STK10: variants seen among roughly 807,000 people sequenced by gnomAD.
The protein encoded by STK10 is serine/threonine-protein kinase 10.
In STK10, 78 loss-of-function variants were observed where a neutral mutation model predicts 113.8. The ratio of observed to expected loss-of-function variants is 0.69; its 90% confidence interval spans 0.57 to 0.83. The LOEUF (loss-of-function observed/expected upper bound fraction) is 0.83. Ranked by LOEUF, STK10 falls within the 40% of genes least tolerant of loss-of-function variation. The pLI is 0.00. For missense variants in STK10, 1,109 were observed against 1,280.1 expected (o/e 0.87, Z 2.04); for synonymous variants, 465 against 494.7 (o/e 0.94, Z 0.80).
At chr5:172,053,530 G>A (rs1049961871) in intron 17 of STK10, among the ~76,000 whole-genome samples, 2 of 152,240 alleles carry the variant, frequency 1.3e-5, no homozygotes, top group East Asian at 3.8e-4. Flanking sequence ...TCACTGACAT[G>A]GGTGAGACTC....
At chr5:172,165,295 A>ACCC (rs1770548933) in intron 1 of STK10, among the ~76,000 whole-genome samples, 1 of 151,374 alleles carries the variant, frequency 6.6e-6, no homozygotes, top group African/African-American at 2.4e-5. Flanking sequence ...CCCCAACCCA[A>ACCC]CTCTGCAGAT....
chr5:172,065,525 G>A (rs896554454), intron 12 of STK10, among the ~76,000 whole-genome samples: 3 of 152,022 alleles, frequency 2.0e-5, no homozygotes, highest in African/African-American at 4.8e-5. Context: ...GCGCCTGGCC[G>A]AGAATGCATA....
intron 1 of STK10, among the ~76,000 whole-genome samples, chr5:172,180,372 G>A (rs2016113): frequency 0.057 from 8,674 of 152,274 alleles, 795 homozygotes; most frequent in African/African-American, 0.2. Context: ...GGCCAAGGCA[G>A]GAGAATCACT....
chr5:172,050,511 G>C (rs1767605190), intron 18 of STK10, among the ~76,000 whole-genome samples: 1 of 152,208 alleles, frequency 6.6e-6, no homozygotes, highest in Admixed American at 6.5e-5. Context: ...GGGCAACATA[G>C]CAAGACCCCA....
chr5:172,111,201 CCCCCTGTGGGCCTGGCT>C (rs1769229320), intron 4 of STK10, among the ~76,000 whole-genome samples: 1 of 152,030 alleles, frequency 6.6e-6, no homozygotes, highest in South Asian at 2.1e-4. Context: ...TCAGCCAGGC[CCCCCTGTGGGCCTGGCT>C]CCCTCGCAAA....
rs542653694 is a variant in STK10 at position 172,074,448 on chromosome 5, T to C, written c.1989+7878A>G. On this transcript the variant is annotated intron_variant, in intron 12 of 18. Transcript: ENST00000176763. Reference sequence around the variant, plus strand: ...CAAAAGCAATTCAGTGGAAAAAGGATAGCCTTTTCAACAAATGGTGCTGGA... The same window carrying C: ...CAAAAGCAATTCAGTGGAAAAAGGACAGCCTTTTCAACAAATGGTGCTGGA... 4.1e-3 allele frequency among the ~76,000 whole-genome samples: 630 copies of C among 152,260 alleles called. 5 individuals carry two copies. The highest frequency in any genetic ancestry group is 0.015 in the African/African-American group (604 of 41,556).
chr5:172,160,102 C>CTCCA (rs1265058566), intron 1 of STK10, among the ~76,000 whole-genome samples: 1 of 151,408 alleles, frequency 6.6e-6, no homozygotes, highest in Non-Finnish European at 1.5e-5. Context: ...CACCACGGCA[C>CTCCA]TCCAGCTTGG....
At chr5:172,054,325 CA>C (rs1381723022) in intron 17 of STK10, among the ~76,000 whole-genome samples, 9 of 152,220 alleles carry the variant, frequency 5.9e-5, no homozygotes, top group African/African-American at 2.2e-4. Context: ...CCCAATCCTG[CA>C]CAGCAGGAAT....
chr5:172,086,746 T>G (rs1768569812), intron 10 of STK10, among the ~76,000 whole-genome samples: 1 of 152,174 alleles, frequency 6.6e-6, no homozygotes, highest in South Asian at 2.1e-4. Context: ...TGGCCTAGTT[T>G]ACAGGCGCTC....
rs746014853 is a variant in STK10, at chr5:172,044,916, T to C, written c.2873A>G (p.Lys958Arg). Residue 958 changes from lysine to arginine, a missense_variant, in exon 19 of 19, where the codon AAG (lysine) becomes AGG (arginine). Physicochemically the swap from Lys to Arg is conservative, Grantham distance 26 (BLOSUM62 2). This residue lies in a region of STK10 where 885 missense variants were observed against 991.1 expected (regional missense o/e 0.89). Transcript: ENST00000176763. The surrounding 1 kb of genome is among the most constrained non-coding windows in gnomAD (Gnocchi z 4.5). ...PNPSTPSKAAKFFPYSSADAS is the reference protein window; with the variant it reads ...PNPSTPSKAARFFPYSSADAS ...ATCCGCAGAACTGTAGGGGAAGAACTTGGCGGCCTTGCTTGGGGTGGAGGG... is the reference window on the plus strand; with the variant it reads ...ATCCGCAGAACTGTAGGGGAAGAACCTGGCGGCCTTGCTTGGGGTGGAGGG... 6.2e-7 allele frequency: 1 copy of C among 1,614,160 alleles called. No homozygotes were observed. Among genetic ancestry groups the C allele is most frequent in the Non-Finnish European group, 8.5e-7 (1 of 1,180,006 alleles).
intron 18 of STK10, among the ~76,000 whole-genome samples, chr5:172,049,829 G>A (rs1767587539): frequency 6.6e-6 from 1 of 151,952 alleles, no homozygotes; most frequent in Admixed American, 6.6e-5. Flanking sequence ...TTGAGATGGA[G>A]TTTCACTCTT....
chr5:172,045,982 G>A lies in STK10; in HGVS notation c.2767-960C>T, dbSNP rs370825147. Reference sequence around the variant, plus strand: ...TTGGATTACAGGCGTGAGCCACCGCGCCTGGCCTAGGATTTTCTAAAGAAA... The same window carrying A: ...TTGGATTACAGGCGTGAGCCACCGCACCTGGCCTAGGATTTTCTAAAGAAA... On this transcript the variant is annotated intron_variant, in intron 18 of 18. Transcript: ENST00000176763. Among the ~76,000 whole-genome samples, 10 of 151,200 alleles carry A rather than the reference G, an allele frequency of 6.6e-5. No individual in the cohort carries two copies. In the South Asian group the frequency reaches 1.9e-3, roughly 29 times the overall value.
At chr5:172,055,199 C>G (rs1767719728) in intron 16 of STK10, among the ~76,000 whole-genome samples, 2 of 151,902 alleles carry the variant, frequency 1.3e-5, no homozygotes, top group Non-Finnish European at 2.9e-5. Flanking sequence ...CGGAGTGCAT[C>G]TTTCTTTTTT....
At chr5:172,103,034 T>C (rs897074865) in intron 7 of STK10, among the ~76,000 whole-genome samples, 4 of 151,912 alleles carry the variant, frequency 2.6e-5, no homozygotes, top group Non-Finnish European at 5.9e-5. Context: ...CACAAACCAA[T>C]GGGGGCGTGA....
In STK10 at chr5:172,043,683, G is replaced by C. The variant is rs1767431351; in HGVS notation, c.*1199C>G. On this transcript the variant is annotated 3_prime_UTR_variant, in exon 19 of 19. Coordinates refer to ENST00000176763, the MANE Select transcript of STK10 (RefSeq NM_005990.4). ...TGCAGCTGTAGAATCAGAATCTGGG[G>C]GAAGCCAACTGAGACCCCGAAGGCC... 1 of 152,118 alleles carries C rather than the reference G, an allele frequency of 6.6e-6. No homozygotes were observed. The highest frequency in any genetic ancestry group is 6.5e-5 in the Admixed American group (1 of 15,270). The allele number at this position is 152,118 out of a possible 1,614,324, so 9.4% of individuals were successfully genotyped here. A position where few individuals can be genotyped will look rare whatever the true frequency, so the allele number is the denominator to read the frequency against.
At chr5:172,116,235 CA>C (rs1769380705) in intron 4 of STK10, among the ~76,000 whole-genome samples, 1 of 152,114 alleles carries the variant, frequency 6.6e-6, no homozygotes, top group African/African-American at 2.4e-5. Flanking sequence ...CGTGTGCCAC[CA>C]CGCCCGGCTA....
intron 12 of STK10, among the ~76,000 whole-genome samples, chr5:172,066,933 C>G (rs925845858): frequency 1.3e-5 from 2 of 152,236 alleles, no homozygotes. Flanking sequence ...TAAACTAACA[C>G]TGAAACCACT....
chr5:172,183,396 T>A (rs1770896891), intron 1 of STK10, among the ~76,000 whole-genome samples: 1 of 151,948 alleles, frequency 6.6e-6, no homozygotes, highest in Admixed American at 6.6e-5. Context: ...TACCTCCTCT[T>A]CAAAATGAAG....
intron 17 of STK10, chr5:172,053,281 A>G (rs1767672345): frequency 2.2e-6 from 1 of 448,338 alleles, no homozygotes; most frequent in African/African-American, 2.0e-5. Flanking sequence ...GAGGTATAGT[A>G]AATTTGCAAC....
Sources: allele counts gnomAD v4.1 joint callset (sites outside exome capture counted in the v4.1 genomes callset), GRCh38; gene constraint gnomAD v4.1.1; regional missense constraint gnomAD v4.1.1; non-coding constraint Gnocchi (gnomAD v3.1); transcripts MANE v1.5; gene names NCBI Gene and HGNC (gene_info 2026-07-23, HGNC 2026-07-21).